The following NR3C2 variants were observed in gnomAD, a reference collection of about 807,000 sequenced individuals.
The protein encoded by NR3C2 is nuclear receptor subfamily 3 group C member 2.
NR3C2 carries 15 observed loss-of-function variants against 86.4 expected under a neutral mutation model. That is an observed-to-expected ratio of 0.17 (90% CI 0.12 to 0.27). The LOEUF (loss-of-function observed/expected upper bound fraction) is 0.27. Among genes scored for constraint, NR3C2 ranks in the 10% least tolerant of loss-of-function variants. The pLI, the probability that NR3C2 is intolerant of heterozygous loss-of-function variation, is 1.00. For synonymous variants in NR3C2, 458 were observed against 450.5 expected (o/e 1.02, Z -0.21); for missense variants, 960 against 1,195.6 (o/e 0.80, Z 2.91).
At chr4:148,205,396 CT>C (rs1736954258) in intron 3 of NR3C2, among the ~76,000 whole-genome samples, 2 of 152,196 alleles carry the variant, frequency 1.3e-5, no homozygotes, top group South Asian at 4.1e-4. Context: ...CTCTCTCCCC[CT>C]CTCCTATCCT....
intron 2 of NR3C2, among the ~76,000 whole-genome samples, chr4:148,325,905 G>C (rs888501212): frequency 1.1e-4 from 16 of 152,146 alleles, no homozygotes; most frequent in African/African-American, 3.6e-4. Flanking sequence ...TAGTTTGGAT[G>C]CATTTATCAG....
intron 2 of NR3C2, among the ~76,000 whole-genome samples, chr4:148,323,197 C>T (rs1366989642): frequency 8.1e-6 from 1 of 123,984 alleles, no homozygotes; most frequent in Non-Finnish European, 1.8e-5. Context: ...GCTCGGGGGT[C>T]AGGGGTCAGG....
At chr4:148,425,163 T>C (rs542094706) in intron 2 of NR3C2, among the ~76,000 whole-genome samples, 2 of 152,334 alleles carry the variant, frequency 1.3e-5, no homozygotes, top group East Asian at 3.9e-4. Context: ...ATGCCAGATA[T>C]ATACCCACCC....
chr4:148,152,394 T>G, intron 6 of NR3C2, 75 bp downstream of exon 6: 1 of 1,516,784 alleles, frequency 6.6e-7, no homozygotes, highest in South Asian at 1.1e-5. Context: ...GTACATCTGT[T>G]TAGAAATTAC....
chr4:148,363,399 T>A (rs1745939992), intron 2 of NR3C2, among the ~76,000 whole-genome samples: 1 of 152,054 alleles, frequency 6.6e-6, no homozygotes, highest in African/African-American at 2.4e-5. Context: ...CTTCACAGAC[T>A]TCAAAATATA....
intron 2 of NR3C2, among the ~76,000 whole-genome samples, chr4:148,334,897 T>C (rs1744404941): frequency 1.3e-5 from 2 of 152,166 alleles, no homozygotes; most frequent in South Asian, 2.1e-4. Context: ...TCGCTTCTGG[T>C]GTTCTGTGGC....
At chr4:148,263,495 T>A (rs1740232634) in intron 2 of NR3C2, among the ~76,000 whole-genome samples, 1 of 152,212 alleles carries the variant, frequency 6.6e-6, no homozygotes, top group Admixed American at 6.5e-5. Context: ...AGCTTTTCCT[T>A]CCAGTTCATT....
chr4:148,199,677 G>T (rs1365011258), intron 3 of NR3C2, among the ~76,000 whole-genome samples: 2 of 152,144 alleles, frequency 1.3e-5, no homozygotes, highest in Non-Finnish European at 2.9e-5. Context: ...ACAAGAAAAA[G>T]AAGTTCTAGG....
chr4:148,425,758 T>C (rs1376142045), intron 2 of NR3C2, among the ~76,000 whole-genome samples: 1 of 152,220 alleles, frequency 6.6e-6, no homozygotes, highest in African/African-American at 2.4e-5. Context: ...AAAAGATCCA[T>C]CTGGCTGCCT....
intron 2 of NR3C2, among the ~76,000 whole-genome samples, chr4:148,380,058 CAT>C (rs1430921442): frequency 1.3e-5 from 2 of 152,116 alleles, no homozygotes; most frequent in African/African-American, 4.8e-5. Flanking sequence ...TATAAATGCA[CAT>C]AGACTTTTTT....
At chr4:148,323,206 G>A (rs576413967) in intron 2 of NR3C2, among the ~76,000 whole-genome samples, 2,021 of 116,730 alleles carry the variant, frequency 0.017, 56 homozygotes, top group African/African-American at 0.054. Context: ...TCAGGGGTCA[G>A]GGACCCACTT....
intron 2 of NR3C2, among the ~76,000 whole-genome samples, chr4:148,372,964 C>A (rs563096006): frequency 1.3e-3 from 192 of 152,290 alleles, no homozygotes; most frequent in Middle Eastern, 6.8e-3. Flanking sequence ...GATTTATACA[C>A]ACACATACAC....
chr4:148,244,168 A>T (rs1739203966), intron 3 of NR3C2, among the ~76,000 whole-genome samples: 1 of 152,188 alleles, frequency 6.6e-6, no homozygotes, highest in South Asian at 2.1e-4. Context: ...AACGCCAGTA[A>T]CACGAAAGCC....
At chr4:148,113,550 TTGC>T (rs2149727295) in intron 8 of NR3C2, among the ~76,000 whole-genome samples, 1 of 152,344 alleles carries the variant, frequency 6.6e-6, no homozygotes, top group South Asian at 2.1e-4. Context: ...TTTTTAACTC[TTGC>T]TGCTTTCTAT....
chr4:148,400,657 T>G (rs1381381098), intron 2 of NR3C2, among the ~76,000 whole-genome samples: 1 of 151,562 alleles, frequency 6.6e-6, no homozygotes, highest in Non-Finnish European at 1.5e-5. Context: ...TGCATGCCTG[T>G]AGTCCCAGCT....
chr4:148,277,827 C>T (rs565136848), intron 2 of NR3C2, among the ~76,000 whole-genome samples: 1 of 152,206 alleles, frequency 6.6e-6, no homozygotes, highest in South Asian at 2.1e-4. Flanking sequence ...AAGGGCCATA[C>T]TAGTCATCAG....
chr4:148,424,757 C>T (rs1345757369), intron 2 of NR3C2, among the ~76,000 whole-genome samples: 1 of 151,520 alleles, frequency 6.6e-6, no homozygotes, highest in East Asian at 1.9e-4. Flanking sequence ...ACAGTGGTCA[C>T]TACGGTTTGG....
intron 2 of NR3C2, among the ~76,000 whole-genome samples, chr4:148,277,045 CAAAAG>C (rs1469279909): frequency 1.3e-5 from 2 of 152,098 alleles, no homozygotes; most frequent in Non-Finnish European, 2.9e-5. Flanking sequence ...TCTTTAGAAA[CAAAAG>C]AAATCAAAAT....
chr4:148,189,215 C>T (rs1736081993), intron 4 of NR3C2, among the ~76,000 whole-genome samples: 2 of 152,138 alleles, frequency 1.3e-5, no homozygotes, highest in African/African-American at 4.8e-5. Context: ...AGGCATGAGC[C>T]AGTATGCCCA....
Sources: gnomAD v4.1 joint callset for allele counts (sites outside exome capture counted in the v4.1 genomes callset) on GRCh38, gnomAD v4.1.1 for gene constraint, MANE v1.5 for transcripts, NCBI Gene and HGNC (gene_info 2026-07-23, HGNC 2026-07-21) for gene names.